ATP13A4: variants seen among roughly 807,000 people sequenced by gnomAD.
The protein encoded by ATP13A4 is ATPase 13A4.
In ATP13A4, 114 loss-of-function variants were observed where a neutral mutation model predicts 142.5. That is an observed-to-expected ratio of 0.80 (90% CI 0.69 to 0.93). The LOEUF (loss-of-function observed/expected upper bound fraction) is 0.93, where lower values mean the gene tolerates loss of function less well. Among genes scored for constraint, ATP13A4 ranks in the 40% least tolerant of loss-of-function variants. The pLI is 0.00. For missense variants in ATP13A4, 1,392 were observed against 1,454.0 expected (o/e 0.96, Z 0.69); for synonymous variants, 488 against 514.8 (o/e 0.95, Z 0.70).
intron 2 of ATP13A4, among the ~76,000 whole-genome samples, chr3:193,574,263 G>A (rs1274692211): frequency 6.6e-6 from 1 of 152,236 alleles, no homozygotes; most frequent in Non-Finnish European, 1.5e-5. Context: ...GGAAAGTAGG[G>A]AACACAAGCT....
chr3:193,504,397 T>C (rs376097785), intron 2 of ATP13A4, among the ~76,000 whole-genome samples: 90 of 152,340 alleles, frequency 5.9e-4, no homozygotes, highest in East Asian at 5.2e-3. Flanking sequence ...GTAAGAACTT[T>C]CCATTTCTAA....
chr3:193,582,534 A>G (rs1577089917), intron 1 of ATP13A4, among the ~76,000 whole-genome samples: 1 of 135,460 alleles, frequency 7.4e-6, no homozygotes, highest in Middle Eastern at 3.6e-3. Context: ...TACATTATAT[A>G]TTATTACATA....
At chr3:193,467,849 A>G (rs1349135948) in intron 9 of ATP13A4, among the ~76,000 whole-genome samples, 1 of 152,192 alleles carries the variant, frequency 6.6e-6, no homozygotes, top group Non-Finnish European at 1.5e-5. Flanking sequence ...TAGGAGCCAA[A>G]GCATGGAGAA....
chr3:193,443,457 C>T (rs1274448819), intron 18 of ATP13A4, among the ~76,000 whole-genome samples: 1 of 152,132 alleles, frequency 6.6e-6, no homozygotes, highest in Non-Finnish European at 1.5e-5. Flanking sequence ...ATTGAAACTG[C>T]CACCTACAAC....
intron 7 of ATP13A4, among the ~76,000 whole-genome samples, chr3:193,486,476 C>T (rs1458092143): frequency 6.6e-6 from 1 of 152,138 alleles, no homozygotes; most frequent in Non-Finnish European, 1.5e-5. Context: ...AAAGGACTTT[C>T]TGTGTAGTTG....
chr3:193,436,961 G>C (rs535544018), intron 23 of ATP13A4, among the ~76,000 whole-genome samples: 1 of 148,490 alleles, frequency 6.7e-6, no homozygotes, highest in Non-Finnish European at 1.5e-5. Flanking sequence ...AAAATTAGCC[G>C]GGCGTGGTGG....
At chr3:193,548,977 G>A (rs112825100) in intron 1 of ATP13A4, among the ~76,000 whole-genome samples, 3 of 152,172 alleles carry the variant, frequency 2.0e-5, no homozygotes, top group African/African-American at 7.2e-5. Context: ...ATACAAAGAT[G>A]TGTTCAACTT....
intron 1 of ATP13A4, among the ~76,000 whole-genome samples, chr3:193,554,098 T>C (rs1475310728): frequency 6.6e-6 from 1 of 152,228 alleles, no homozygotes; most frequent in African/African-American, 2.4e-5. Context: ...TCTTTGATTT[T>C]CCTATAGTTC....
At chr3:193,407,256 C>T in intron 29 of ATP13A4, 57 bp downstream of exon 29, 3 of 1,481,622 alleles carry the variant, frequency 2.0e-6, no homozygotes, top group Non-Finnish European at 2.8e-6. Context: ...AAAGAAGTCC[C>T]CCTACACACA....
chr3:193,496,629 A>G (rs2108670893), intron 3 of ATP13A4, among the ~76,000 whole-genome samples: 1 of 152,084 alleles, frequency 6.6e-6, no homozygotes, highest in South Asian at 2.1e-4. Flanking sequence ...TGTCTCTACT[A>G]AAAGTACAAA....
intron 2 of ATP13A4, among the ~76,000 whole-genome samples, chr3:193,569,191 T>G (rs1324749927): frequency 6.6e-6 from 1 of 152,238 alleles, no homozygotes; most frequent in African/African-American, 2.4e-5. Context: ...GGAATGGCAT[T>G]TTGCCTCTGT....
At chr3:193,568,667 G>C (rs920118958) in intron 2 of ATP13A4, among the ~76,000 whole-genome samples, 3 of 152,128 alleles carry the variant, frequency 2.0e-5, no homozygotes, top group African/African-American at 7.2e-5. Flanking sequence ...AGGAACAAAA[G>C]CTCCTTGGAA....
chr3:193,569,795 A>T (rs552338855), intron 2 of ATP13A4, among the ~76,000 whole-genome samples: 142 of 152,178 alleles, frequency 9.3e-4, no homozygotes, highest in Non-Finnish European at 1.6e-3. Flanking sequence ...GCAGGCTCCC[A>T]AAGTGCTGGG....
Position 193,401,875 on chromosome 3 carries a change from A to G in ATP13A4, c.*777T>C, listed in dbSNP as rs1332261573. On this transcript the variant is annotated 3_prime_UTR_variant, in exon 30 of 30. Transcript: ENST00000342695. ...TGACTAATGAGATATGAGTAGGGAAAGCAATGTGTGCCACTTTTGGGGTGA... is the reference window on the plus strand; with the variant it reads ...TGACTAATGAGATATGAGTAGGGAAGGCAATGTGTGCCACTTTTGGGGTGA... Among the ~76,000 whole-genome samples the G allele has an allele frequency of 6.6e-6, 1 of 152,202 alleles. No individual in the cohort carries two copies. Among genetic ancestry groups the G allele is most frequent in the East Asian group, 1.9e-4 (1 of 5,194 alleles).
At chr3:193,484,049 T>C (rs1300110005) in intron 7 of ATP13A4, 44 bp from the exon 8 acceptor site, 2 of 1,496,920 alleles carry the variant, frequency 1.3e-6, no homozygotes, top group South Asian at 1.1e-5. Flanking sequence ...TATTTGAGCA[T>C]AGTTTCTAGG....
In ATP13A4 at chr3:193,529,116, G is replaced by A. The variant is rs372412053; in HGVS notation, c.61-14245C>T. On this transcript the variant is annotated intron_variant, in intron 1 of 29. Transcript: ENST00000342695. ...GAAACCCCGTCTCTACTAAAAATAC[G>A]AAAATTAGCCGGCAATGGTGGCACA... is the stretch of plus-strand genomic sequence containing the variant. Among the ~76,000 whole-genome samples, 26 of 151,974 alleles carry A rather than the reference G, an allele frequency of 1.7e-4. No individual in the cohort carries two copies. The South Asian group carries it at 2.9e-3, about 17-fold the overall frequency.
At chr3:193,573,288 TAC>T (rs201324080) in intron 2 of ATP13A4, among the ~76,000 whole-genome samples, 15 of 76,844 alleles carry the variant, frequency 2.0e-4, no homozygotes, top group African/African-American at 6.6e-4. Flanking sequence ...TATATATATA[TAC>T]ACATATATAT....
chr3:193,494,641 C>A (rs1318946728), intron 3 of ATP13A4, among the ~76,000 whole-genome samples: 1 of 151,830 alleles, frequency 6.6e-6, no homozygotes, highest in Non-Finnish European at 1.5e-5. Flanking sequence ...TCTAAGAGGT[C>A]AATGTATAGC....
At chr3:193,416,049 G>C (rs1377904028) in intron 25 of ATP13A4, among the ~76,000 whole-genome samples, 1 of 152,154 alleles carries the variant, frequency 6.6e-6, no homozygotes, top group Non-Finnish European at 1.5e-5. Flanking sequence ...ACTGGAGAAG[G>C]TTTTGTTTGT....
Sources: gnomAD v4.1 joint callset for allele counts (sites outside exome capture counted in the v4.1 genomes callset) on GRCh38, gnomAD v4.1.1 for gene constraint, MANE v1.5 for transcripts, NCBI Gene and HGNC (gene_info 2026-07-23, HGNC 2026-07-21) for gene names.